Variants in ADAMTS16 observed in about 807,000 individuals in gnomAD.
ADAMTS16 encodes A disintegrin and metalloproteinase with thrombospondin motifs 16.
ADAMTS16 carries 94 observed loss-of-function variants against 145.8 expected under a neutral mutation model. That is an observed-to-expected ratio of 0.64 (90% CI 0.55 to 0.77). The LOEUF (loss-of-function observed/expected upper bound fraction) is 0.77, where lower values mean the gene tolerates loss of function less well. Among genes scored for constraint, ADAMTS16 ranks in the 30% least tolerant of loss-of-function variants. ADAMTS16 has a pLI of 0.00. For missense variants in ADAMTS16, 1,585 were observed against 1,591.5 expected (o/e 1.00, Z 0.07); for synonymous variants, 659 against 604.3 (o/e 1.09, Z -1.33).
intron 12 of ADAMTS16, among the ~76,000 whole-genome samples, chr5:5,233,478 C>A (rs906923847): frequency 6.6e-6 from 1 of 152,040 alleles, no homozygotes; most frequent in African/African-American, 2.4e-5. Context: ...TTTTGCAGTC[C>A]TCTCCTTCCT....
chr5:5,159,802 T>C (rs1480586821), intron 3 of ADAMTS16, among the ~76,000 whole-genome samples: 2 of 152,238 alleles, frequency 1.3e-5, no homozygotes, highest in Non-Finnish European at 2.9e-5. Context: ...GACGCGCACA[T>C]TTTGAAAGAA....
intron 3 of ADAMTS16, among the ~76,000 whole-genome samples, chr5:5,150,621 G>T (rs1188913829): frequency 6.6e-6 from 1 of 152,208 alleles, no homozygotes; most frequent in African/African-American, 2.4e-5. Flanking sequence ...ATACCACAAG[G>T]CAGGGACTGC....
At chr5:5,198,453 C>G (rs749264891) in intron 8 of ADAMTS16, among the ~76,000 whole-genome samples, 2 of 152,112 alleles carry the variant, frequency 1.3e-5, no homozygotes, top group Non-Finnish European at 2.9e-5. Flanking sequence ...CCTTGGATAC[C>G]GCCTTCAATC....
chr5:5,182,289 T>C lies in ADAMTS16; in HGVS notation c.747T>C (p.Cys249=). 6.2e-7 allele frequency: 1 copy of C among 1,612,616 alleles called. No individual in the cohort carries two copies. The highest frequency in any genetic ancestry group is 1.1e-5 in the South Asian group (1 of 90,966). ...RLGLPQKQHF[C]GRRKKYMPQP... ...GACTGCCACAAAAGCAGCATTTCTG[T>C]GGAAGACGCAAGAAATGTATGTAAG... The change falls in exon 4 of 23, where the codon TGT becomes TGC. Residue 249 remains cysteine (C), a synonymous_variant. Transcript: ENST00000274181.
intron 18 of ADAMTS16, 141 bp downstream of exon 18, chr5:5,262,924 C>G (rs1579353751): frequency 8.0e-7 from 1 of 1,256,244 alleles, no homozygotes; most frequent in East Asian, 2.4e-5. Flanking sequence ...GGGACAAGAG[C>G]TGCCTGGACA....
At chr5:5,158,273 C>T (rs564579538) in intron 3 of ADAMTS16, among the ~76,000 whole-genome samples, 32 of 152,232 alleles carry the variant, frequency 2.1e-4, no homozygotes, top group Non-Finnish European at 8.8e-5. Flanking sequence ...TCCTACAGTA[C>T]CACCACTGCC....
rs534143488 is a variant in ADAMTS16 at position 5,213,933 on chromosome 5, A to G, written c.1605+4687A>G. 7.9e-5 allele frequency among the ~76,000 whole-genome samples: 12 copies of G among 152,260 alleles called. No individual in the cohort carries two copies. In the South Asian group the frequency reaches 8.3e-4, roughly 11 times the overall value. On this transcript the variant is annotated intron_variant, in intron 10 of 22. Coordinates refer to ENST00000274181, the MANE Select transcript of ADAMTS16 (RefSeq NM_139056.4). ...ACAGACACCTGGGGCCCCCAGCCCA[A>G]TGCAACTTTTTTCTATATGAGCTGA...
Position 5,186,326 on chromosome 5 carries a change from G to A in ADAMTS16, c.963+75G>A, listed in dbSNP as rs1266002719. On this transcript the variant is annotated intron_variant, in intron 5 of 22. Transcript: ENST00000274181. ...GGTGTGTGTGTGTGTGTGTGTGTGT[G>A]TGTGTGTGTTTCCATTTTACTTGTT... 2.3e-5 allele frequency: 31 copies of A among 1,350,672 alleles called. No homozygotes were observed. In the East Asian group the frequency reaches 7.3e-4, roughly 32 times the overall value. The allele number at this position is 1,350,672 out of a possible 1,614,324, so 83.7% of individuals were successfully genotyped here.
At position 5,146,086 on chromosome 5, in the gene ADAMTS16, G is replaced by A. The variant is rs1424105678; in HGVS notation, c.176-44G>A. ...TCTTAAGACTTCCTGATTCTTCTCGGAATTCCGAAATGACTCAGCCTCTGC... is the reference window on the plus strand; with the variant it reads ...TCTTAAGACTTCCTGATTCTTCTCGAAATTCCGAAATGACTCAGCCTCTGC... On this transcript the variant is annotated intron_variant, in intron 2 of 22. Transcript: ENST00000274181. 4 of 1,523,654 alleles carry A rather than the reference G, an allele frequency of 2.6e-6. No individual in the cohort carries two copies. The East Asian group carries it at 9.0e-5, about 34-fold the overall frequency. 94.4% of individuals were successfully genotyped at this position (1,523,654 alleles called of 1,614,324 possible).
chr5:5,291,339 C>T (rs1035612289), intron 18 of ADAMTS16, among the ~76,000 whole-genome samples: 6 of 152,104 alleles, frequency 3.9e-5, no homozygotes, highest in African/African-American at 1.2e-4. Flanking sequence ...GTCTGGAATC[C>T]TGTGGACCAC....
At chr5:5,207,529 A>T (rs1365731162) in intron 9 of ADAMTS16, among the ~76,000 whole-genome samples, 1 of 152,144 alleles carries the variant, frequency 6.6e-6, no homozygotes, top group East Asian at 1.9e-4. Flanking sequence ...CCTTTTATGT[A>T]ATATTCTTGC....
intron 14 of ADAMTS16, 34 bp from the exon 15 acceptor site, chr5:5,239,117 T>G: frequency 6.8e-7 from 1 of 1,461,706 alleles, no homozygotes; most frequent in Non-Finnish European, 9.1e-7. Flanking sequence ...GTCCTTTCTT[T>G]CATGAATGAC....
intron 13 of ADAMTS16, 81 bp from the exon 14 acceptor site, chr5:5,236,888 G>A (rs72647757): frequency 0.023 from 34,873 of 1,484,760 alleles, 1,209 homozygotes; most frequent in East Asian, 0.2. Context: ...AAGAAAGAAA[G>A]TCTATCTAAA....
At chr5:5,251,622 G>A (rs926679777) in intron 17 of ADAMTS16, among the ~76,000 whole-genome samples, 19 of 152,214 alleles carry the variant, frequency 1.2e-4, no homozygotes, top group African/African-American at 4.3e-4. Context: ...AGACTGAAGG[G>A]AGATGGAGTT....
At chr5:5,233,914 G>T (rs1363863531) in intron 12 of ADAMTS16, among the ~76,000 whole-genome samples, 2 of 152,138 alleles carry the variant, frequency 1.3e-5, no homozygotes, top group East Asian at 3.9e-4. Flanking sequence ...TTGAGTAATT[G>T]CCACACTGTC....
At chr5:5,279,635 GTTTTC>G (rs1012599647) in intron 18 of ADAMTS16, among the ~76,000 whole-genome samples, 3 of 140,654 alleles carry the variant, frequency 2.1e-5, no homozygotes, top group Non-Finnish European at 4.8e-5. Flanking sequence ...ATGTTCTTGT[GTTTTC>G]TTTTCAGATG....
At chr5:5,161,317 T>C (rs1329474596) in intron 3 of ADAMTS16, among the ~76,000 whole-genome samples, 3 of 152,202 alleles carry the variant, frequency 2.0e-5, no homozygotes, top group Non-Finnish European at 2.9e-5. Flanking sequence ...CAAGAGGTCA[T>C]TTTTGTTTGA....
intron 8 of ADAMTS16, among the ~76,000 whole-genome samples, 185 bp downstream of exon 8, chr5:5,191,975 A>C (rs76258854): frequency 0.018 from 2,784 of 151,054 alleles, 77 homozygotes; most frequent in African/African-American, 0.065. Flanking sequence ...CATCGTGCAA[A>C]TTTTATTTTT....
chr5:5,175,995 C>T (rs1560934917), intron 3 of ADAMTS16: 1 of 152,220 alleles, frequency 6.6e-6, no homozygotes, highest in Non-Finnish European at 1.5e-5. Flanking sequence ...GGTTGCTTAC[C>T]TGAATTGTGG....
Sources: allele counts gnomAD v4.1 joint callset (sites outside exome capture counted in the v4.1 genomes callset), GRCh38; gene constraint gnomAD v4.1.1; transcripts MANE v1.5; gene names NCBI Gene and HGNC (gene_info 2026-07-23, HGNC 2026-07-21).